Variants in ARID5B observed in about 807,000 individuals in gnomAD.
The protein encoded by ARID5B is AT-rich interactive domain-containing protein 5B.
ARID5B carries 13 observed loss-of-function variants against 97.2 expected under a neutral mutation model. That is an observed-to-expected ratio of 0.13 (90% confidence interval 0.09 to 0.21). The LOEUF is 0.21. Among genes scored for constraint, ARID5B ranks in the 10% least tolerant of loss-of-function variants. The pLI, the probability that ARID5B is intolerant of heterozygous loss-of-function variation, is 1.00. For missense variants in ARID5B, 1,210 were observed against 1,465.3 expected (o/e 0.83, Z 2.84); for synonymous variants, 556 against 570.3 (o/e 0.97, Z 0.36).
chr10:62,011,828 T>A (rs1839221021), intron 4 of ARID5B, among the ~76,000 whole-genome samples: 1 of 152,140 alleles, frequency 6.6e-6, no homozygotes, highest in Non-Finnish European at 1.5e-5. Flanking sequence ...ACAGTGAGAC[T>A]CGGGCACCAG....
Position 62,093,707 on chromosome 10 carries a change from T to C in ARID5B, c.*677T>C, listed in dbSNP as rs1033038773. 2 of 225,276 alleles carry C rather than the reference T, an allele frequency of 8.9e-6. No individual in the cohort carries two copies. The highest frequency in any genetic ancestry group is 4.6e-5 in the African/African-American group (2 of 43,606). 14.0% of individuals were successfully genotyped at this position (225,276 alleles called of 1,614,324 possible). A position where few individuals can be genotyped will look rare whatever the true frequency, so the allele number is the denominator to read the frequency against. On this transcript the variant is annotated 3_prime_UTR_variant, in exon 10 of 10. Transcript: ENST00000279873. ...AAATGGTATTGCTTTTGTTTGCAGG[T>C]CTTTTTGTTTTTGTTTTGTTTTTGA...
intron 4 of ARID5B, among the ~76,000 whole-genome samples, chr10:62,013,792 G>T: frequency 1.3e-5 from 1 of 78,288 alleles, no homozygotes. Flanking sequence ...GTATTCCATT[G>T]GGTATATATA....
chr10:61,991,775 A>T (rs1838928806), intron 3 of ARID5B, among the ~76,000 whole-genome samples: 1 of 152,196 alleles, frequency 6.6e-6, no homozygotes, highest in Admixed American at 6.5e-5. Flanking sequence ...CACGCCTGTA[A>T]TCCCAGCACT....
intron 3 of ARID5B, among the ~76,000 whole-genome samples, chr10:61,950,946 G>C (rs189315251): frequency 6.6e-6 from 1 of 152,322 alleles, no homozygotes; most frequent in East Asian, 1.9e-4. Context: ...AGTGGGTTCT[G>C]TGAGCAGGTA....
intron 4 of ARID5B, among the ~76,000 whole-genome samples, chr10:62,018,595 T>G (rs946907575): frequency 6.6e-6 from 1 of 151,532 alleles, no homozygotes; most frequent in African/African-American, 2.4e-5. Flanking sequence ...TTTTTTTTTT[T>G]CAAACCTGCC....
At chr10:61,949,252 G>T (rs1217713084) in intron 3 of ARID5B, among the ~76,000 whole-genome samples, 1 of 152,146 alleles carries the variant, frequency 6.6e-6, no homozygotes, top group Non-Finnish European at 1.5e-5. Context: ...TAATCATGTT[G>T]TTCTCTTGGA....
chr10:61,930,821 A>C (rs1844197073), intron 2 of ARID5B, among the ~76,000 whole-genome samples: 1 of 152,170 alleles, frequency 6.6e-6, no homozygotes, highest in South Asian at 2.1e-4. Context: ...GGTATCATCT[A>C]TCCCTCTTCA....
At chr10:61,922,003 G>A (rs148594068) in intron 2 of ARID5B, among the ~76,000 whole-genome samples, 333 of 152,082 alleles carry the variant, frequency 2.2e-3, no homozygotes, top group African/African-American at 7.4e-3. Context: ...CACTGTGCCC[G>A]GCTAATTTTT....
rs902673007 is a variant in ARID5B, at chr10:62,096,850, C to T, written c.*3820C>T. 1.7e-5 allele frequency: 4 copies of T among 233,342 alleles called. No individual in the cohort carries two copies. Among genetic ancestry groups the T allele is most frequent in the Admixed American group, 5.6e-5 (1 of 17,772 alleles). The allele number at this position is 233,342 out of a possible 1,614,324, so 14.5% of individuals were successfully genotyped here. ...TATTACTGCTTTTGATACTGTATTA[C>T]GTGCCAATAGTTTCCCAATCACATA... On this transcript the variant is annotated 3_prime_UTR_variant, in exon 10 of 10. Transcript: ENST00000279873.
intron 3 of ARID5B, among the ~76,000 whole-genome samples, chr10:61,990,457 A>G (rs1433270978): frequency 6.6e-6 from 1 of 152,242 alleles, no homozygotes; most frequent in Non-Finnish European, 1.5e-5. Flanking sequence ...CCTTTTAGGA[A>G]GTGTCATTGG....
intron 8 of ARID5B, 145 bp from the exon 9 acceptor site, chr10:62,085,557 G>C (rs1840268916): frequency 1.4e-6 from 1 of 722,356 alleles, no homozygotes; most frequent in African/African-American, 1.8e-5. Context: ...AAAGTGTAGA[G>C]TAAGTTTATA....
At chr10:62,037,343 T>C (rs566198699) in intron 4 of ARID5B, among the ~76,000 whole-genome samples, 3 of 152,176 alleles carry the variant, frequency 2.0e-5, no homozygotes, top group Non-Finnish European at 4.4e-5. Flanking sequence ...GGCCCTCACA[T>C]GGTTAGAGTC....
At chr10:61,904,552 AAAATT>A (rs2132750353) in intron 2 of ARID5B, among the ~76,000 whole-genome samples, 1 of 152,352 alleles carries the variant, frequency 6.6e-6, no homozygotes, top group South Asian at 2.1e-4. Context: ...CATACCTGAG[AAAATT>A]AATCTTGCCA....
In ARID5B at chr10:62,095,248, T is replaced by C. The variant is rs1840451299; in HGVS notation, c.*2218T>C. The C allele has an allele frequency of 1.7e-5, 4 of 232,982 alleles. No individual in the cohort carries two copies. Among genetic ancestry groups the C allele is most frequent in the South Asian group, 3.6e-4 (2 of 5,498 alleles). 14.4% of individuals were successfully genotyped at this position (232,982 alleles called of 1,614,324 possible). A position where few individuals can be genotyped will look rare whatever the true frequency, so the allele number is the denominator to read the frequency against. On this transcript the variant is annotated 3_prime_UTR_variant, in exon 10 of 10. Transcript: ENST00000279873. ...CTGGCAAGATGCTAGCCAGGACACATATAAGAAAGTTGCACTAGATTGAAT... is the reference window on the plus strand; with the variant it reads ...CTGGCAAGATGCTAGCCAGGACACACATAAGAAAGTTGCACTAGATTGAAT...
intron 2 of ARID5B, among the ~76,000 whole-genome samples, chr10:61,932,389 T>TTTTTTC (rs1204699861): frequency 2.1e-4 from 32 of 151,782 alleles, no homozygotes; most frequent in African/African-American, 5.8e-4. Flanking sequence ...TGGCAATTCC[T>TTTTTTC]TTTTTCTTTT....
chr10:62,057,433 CTGTT>C (rs1839871244), intron 6 of ARID5B, 115 bp downstream of exon 6: 1 of 1,034,136 alleles, frequency 9.7e-7, no homozygotes, highest in East Asian at 2.5e-5. Context: ...ATAGTGCTCT[CTGTT>C]TATACTAAAT....
intron 8 of ARID5B, among the ~76,000 whole-genome samples, chr10:62,071,104 C>T (rs891160868): frequency 2.8e-5 from 4 of 144,186 alleles, no homozygotes; most frequent in Non-Finnish European, 1.5e-5. Context: ...GGCATGATCT[C>T]GGCCCACTGC....
chr10:61,919,369 G>A lies in ARID5B; in HGVS notation c.276+16956G>A, dbSNP rs78981031. ...TCCCTTTGTCCCCTTCCACCCCACC[G>A]TCTTCCTCATTTGGGGATGCTCATG... On this transcript the variant is annotated intron_variant, in intron 2 of 9. Transcript: ENST00000279873. 2.3e-3 allele frequency among the ~76,000 whole-genome samples: 354 copies of A among 152,104 alleles called. 3 individuals carry two copies. Among genetic ancestry groups the A allele is most frequent in the African/African-American group, 8.1e-3 (334 of 41,472 alleles).
intron 2 of ARID5B, among the ~76,000 whole-genome samples, chr10:61,915,271 G>A (rs756750726): frequency 7.9e-5 from 12 of 152,172 alleles, no homozygotes; most frequent in African/African-American, 1.9e-4. Flanking sequence ...AGATCCTGCC[G>A]CCATGGAGCT....
Sources: gnomAD v4.1 joint callset for allele counts (sites outside exome capture counted in the v4.1 genomes callset) on GRCh38, gnomAD v4.1.1 for gene constraint, MANE v1.5 for transcripts, NCBI Gene and HGNC (gene_info 2026-07-23, HGNC 2026-07-21) for gene names.